The following ZNF879 variants were observed in gnomAD, a reference collection of about 807,000 sequenced individuals.
ZNF879 encodes the protein zinc finger protein 879.
Under a neutral mutation model 44.3 loss-of-function variants are expected in ZNF879, and 32 were observed. The ratio of observed to expected loss-of-function variants is 0.72; its 90% CI spans 0.54 to 0.97. The LOEUF (loss-of-function observed/expected upper bound fraction) is 0.97. Ranked by LOEUF, ZNF879 falls within the 50% of genes least tolerant of loss-of-function variation. The probability of loss-of-function intolerance (pLI) is 0.00; values close to 1 mark genes in which losing one functional copy is unlikely to be tolerated. For synonymous variants in ZNF879, 234 were observed against 233.2 expected (o/e 1.00, Z -0.03); for missense variants, 621 against 669.7 (o/e 0.93, Z 0.80).
Position 179,027,476 on chromosome 5 carries a change from T to C in ZNF879, c.37T>C (p.Ser13Pro), listed in dbSNP as rs1297103880. 4 of 1,613,604 alleles carry C rather than the reference T, an allele frequency of 2.5e-6. No homozygotes were observed. Among genetic ancestry groups the C allele is most frequent in the Non-Finnish European group, 2.5e-6 (3 of 1,179,932 alleles). Residue 13 changes from serine (S) to proline (P), a missense_variant, in exon 3 of 5, where the codon TCC becomes CCC. By Grantham distance (74) the Ser-to-Pro change is moderately conservative (BLOSUM62 -1). Coordinates refer to ENST00000444149, the MANE Select transcript of ZNF879 (RefSeq NM_001136116.3). Reference protein sequence around the residue: ...RRLLPAHVQESVTFRDVAVFF... With the variant: ...RRLLPAHVQEPVTFRDVAVFF... ...AGGAGTGGGTTTGCCATTCCAGGAG[T>C]CCGTGACGTTCAGGGATGTGGCCGT...
intron 4 of ZNF879, 38 bp from the exon 5 acceptor site, chr5:179,032,167 T>G (rs1561736502): frequency 1.4e-6 from 2 of 1,396,238 alleles, no homozygotes; most frequent in Non-Finnish European, 1.9e-6. Flanking sequence ...TTTAAAATTC[T>G]GAGTTCAAGA....
At chr5:179,025,186 C>T (rs773753955) in intron 2 of ZNF879, 149 bp downstream of exon 2, 18 of 851,850 alleles carry the variant, frequency 2.1e-5, no homozygotes, top group South Asian at 5.2e-5. Flanking sequence ...AAGGTGTTTC[C>T]CTTGCCTCAG....
In ZNF879 at chr5:179,030,149, G is replaced by A. The variant is rs191062511; in HGVS notation, c.256+2022G>A. On this transcript the variant is annotated intron_variant, in intron 4 of 4. Coordinates refer to ENST00000444149, the MANE Select transcript of ZNF879 (RefSeq NM_001136116.3). ...AAATTAAAATCAATGAAATTCCAACGAAGCACAAGTTACCATTTTTCCCTT... is the reference window on the plus strand; with the variant it reads ...AAATTAAAATCAATGAAATTCCAACAAAGCACAAGTTACCATTTTTCCCTT... Among the ~76,000 whole-genome samples the A allele has an allele frequency of 1.9e-3, 285 of 152,276 alleles. 1 individual carries two copies. Among genetic ancestry groups the A allele is most frequent in the African/African-American group, 6.4e-3 (266 of 41,552 alleles).
chr5:179,030,285 T>C (rs1211627695), intron 4 of ZNF879, among the ~76,000 whole-genome samples: 1 of 152,228 alleles, frequency 6.6e-6, no homozygotes, highest in African/African-American at 2.4e-5. Context: ...GGTCTGGTTT[T>C]ATTAAAATCA....
In ZNF879 at chr5:179,032,631, G is replaced by A; in HGVS notation, c.683G>A (p.Gly228Glu). 6.4e-7 allele frequency: 1 copy of A among 1,568,252 alleles called. No individual in the cohort carries two copies. Among genetic ancestry groups the A allele is most frequent in the Non-Finnish European group, 8.6e-7 (1 of 1,156,638 alleles). ...SLSKHQRIHT[G>E]EKLYKCKECR... ...AGTAAACACCAGAGAATCCACACTG[G>A]AGAGAAGCTCTATAAATGTAAGGAA... Residue 228 changes from glycine to glutamate, a missense_variant, in exon 5 of 5, where the codon GGA becomes GAA. Gly to Glu is a moderately conservative substitution (Grantham distance 98). Coordinates refer to ENST00000444149, the MANE Select transcript of ZNF879 (RefSeq NM_001136116.3).
At chr5:179,025,154 G>C in intron 2 of ZNF879, 117 bp downstream of exon 2, 2 of 1,144,298 alleles carry the variant, frequency 1.7e-6, no homozygotes, top group Non-Finnish European at 1.3e-6. Context: ...AGAGGGCTTG[G>C]TAGCTGAGAA....
intron 4 of ZNF879, among the ~76,000 whole-genome samples, chr5:179,031,975 C>T (rs1025297447): frequency 2.0e-5 from 3 of 152,238 alleles, no homozygotes; most frequent in South Asian, 2.1e-4. Flanking sequence ...GTTAATAGAT[C>T]GAGCCTGGCT....
Position 179,027,589 on chromosome 5 carries a change from GGTCTC to G in ZNF879, c.151_155del (p.Val51ThrfsTer45), listed in dbSNP as rs1761306140. Reference sequence around the variant, plus strand: ...TGATGCTGGAGAACTACAGCATCCTGGTCTCACTGGGTAAGGAACTTTCCTCCTGA... The same window carrying G: ...TGATGCTGGAGAACTACAGCATCCTGACTGGGTAAGGAACTTTCCTCCTGA... On this transcript the variant is annotated frameshift_variant, in exon 3 of 5. Coordinates refer to ENST00000444149, the MANE Select transcript of ZNF879 (RefSeq NM_001136116.3). LOFTEE classifies it high-confidence loss of function. 1 of 1,613,836 alleles carries G rather than the reference GGTCTC, an allele frequency of 6.2e-7. No homozygotes were observed. Among genetic ancestry groups the G allele is most frequent in the Non-Finnish European group, 8.5e-7 (1 of 1,179,956 alleles).
chr5:179,028,765 C>T (rs535143275), intron 4 of ZNF879, among the ~76,000 whole-genome samples: 3 of 152,252 alleles, frequency 2.0e-5, no homozygotes, highest in East Asian at 3.9e-4. Context: ...TTTCCCTATA[C>T]GCCCTTGGAT....
In ZNF879 at chr5:179,034,008, A is replaced by T. The variant is rs1032377866; in HGVS notation, c.*368A>T. On this transcript the variant is annotated 3_prime_UTR_variant, in exon 5 of 5. Transcript: ENST00000444149. ...AAATCCAGACACAGATAAATCTAGG[A>T]ATCTATTTTTTGAAACTATTATGCA... 2 of 166,696 alleles carry T rather than the reference A, an allele frequency of 1.2e-5. No homozygotes were observed. Among genetic ancestry groups the T allele is most frequent in the African/African-American group, 4.8e-5 (2 of 41,944 alleles). The allele number at this position is 166,696 out of a possible 1,614,324, so 10.3% of individuals were successfully genotyped here. A position where few individuals can be genotyped will look rare whatever the true frequency, so the allele number is the denominator to read the frequency against.
rs990225983 is a variant in ZNF879 at position 179,024,733 on chromosome 5, C to T, written c.-35-237C>T. On this transcript the variant is annotated intron_variant, in intron 1 of 4. Coordinates refer to ENST00000444149, the MANE Select transcript of ZNF879 (RefSeq NM_001136116.3). ...TTAAGGCACGGCAGATGGTCTTCAT[C>T]CCTTCGCTCCTTTCGTCTTTATCGT... The T allele has an allele frequency of 2.8e-5, 14 of 494,192 alleles. No homozygotes were observed. The Admixed American group carries it at 4.1e-4, about 15-fold the overall frequency. The allele number at this position is 494,192 out of a possible 1,614,324, so 30.6% of individuals were successfully genotyped here. A position where few individuals can be genotyped will look rare whatever the true frequency, so the allele number is the denominator to read the frequency against.
rs1291393434 is a variant in ZNF879, at chr5:179,034,305, C to A, written c.*665C>A. On this transcript the variant is annotated 3_prime_UTR_variant, in exon 5 of 5. Coordinates refer to ENST00000444149, the MANE Select transcript of ZNF879 (RefSeq NM_001136116.3). ...TAAAGTCACTTTAAGTCACAGAACGCATGGTATTTCACTTGTTTTTCTCAT... is the reference window on the plus strand; with the variant it reads ...TAAAGTCACTTTAAGTCACAGAACGAATGGTATTTCACTTGTTTTTCTCAT... 6.6e-6 allele frequency: 1 copy of A among 152,182 alleles called. No homozygotes were observed. The highest frequency in any genetic ancestry group is 1.5e-5 in the Non-Finnish European group (1 of 68,046). The allele number at this position is 152,182 out of a possible 1,614,324, so 9.4% of individuals were successfully genotyped here.
chr5:179,026,103 CAAA>C (rs1217327325), intron 2 of ZNF879, among the ~76,000 whole-genome samples: 1 of 141,314 alleles, frequency 7.1e-6, no homozygotes, highest in Non-Finnish European at 1.5e-5. Flanking sequence ...AAAAAAAAAA[CAAA>C]GAAAGAAAAA....
intron 4 of ZNF879, among the ~76,000 whole-genome samples, chr5:179,031,999 C>T (rs1283901130): frequency 6.6e-6 from 1 of 152,180 alleles, no homozygotes; most frequent in Non-Finnish European, 1.5e-5. Context: ...CCTGTTGTCC[C>T]CTAATTTCCT....
chr5:179,030,111 A>G (rs765470945), intron 4 of ZNF879, among the ~76,000 whole-genome samples: 4 of 152,250 alleles, frequency 2.6e-5, no homozygotes, highest in South Asian at 2.1e-4. Context: ...TTGAAGCACT[A>G]TTCAACTTCA....
rs16736 is a variant in ZNF879, at chr5:179,034,247, CCTGA to C, written c.*610_*613del. The C allele has an allele frequency of 0.3, 45,980 of 151,934 alleles. 8,312 individuals carry two copies. The highest frequency in any genetic ancestry group is 0.52 in the South Asian group (2,501 of 4,812). The allele number at this position is 151,934 out of a possible 1,614,324, so 9.4% of individuals were successfully genotyped here. A position where few individuals can be genotyped will look rare whatever the true frequency, so the allele number is the denominator to read the frequency against. On this transcript the variant is annotated 3_prime_UTR_variant, in exon 5 of 5. Transcript: ENST00000444149. ...AGACGTACTGTCTTTGCGTTTTCTT[CCTGA>C]CTACTTGTTCCAAACTCTGAGTCAG...
rs1338874807 is a variant in ZNF879, at chr5:179,034,599, A to G, written c.*959A>G. The stretch of plus-strand genomic sequence containing the variant: ...CCCTTACTTCCACTTTTTCGCCTTC[A>G]TCAGACAAGGTTCACTTTCTCCCCA... On this transcript the variant is annotated 3_prime_UTR_variant, in exon 5 of 5. Coordinates refer to ENST00000444149, the MANE Select transcript of ZNF879 (RefSeq NM_001136116.3). 1.3e-5 allele frequency: 2 copies of G among 152,208 alleles called. No homozygotes were observed. The highest frequency in any genetic ancestry group is 2.4e-5 in the African/African-American group (1 of 41,442). 9.4% of individuals were successfully genotyped at this position (152,208 alleles called of 1,614,324 possible).
In ZNF879 at chr5:179,032,581, A is replaced by C; in HGVS notation, c.633A>C (p.Lys211Asn). The C allele has an allele frequency of 6.4e-7, 1 of 1,554,228 alleles. No individual in the cohort carries two copies. The highest frequency in any genetic ancestry group is 8.7e-7 in the Non-Finnish European group (1 of 1,148,564). ...GTTATAAATGTAATATCTGTGGGAA[A>C]ATCTTCCTCCACAGTTCCTCCCTGA... ...RKCYKCNICG[K>N]IFLHSSSLSK... is the part of the protein sequence containing the mutation. Residue 211 changes from lysine to asparagine, a missense_variant, in exon 5 of 5, where the codon AAA becomes AAC. Lys to Asn is a moderately conservative substitution (Grantham distance 94). Transcript: ENST00000444149.
Position 179,033,369 on chromosome 5 carries a change from A to G in ZNF879, c.1421A>G (p.His474Arg). ...AGTTCCCACTCAGGCGTTAATACTC[A>G]TCGAAAAATTCATACTGGAGAAAAA... is the stretch of plus-strand genomic sequence containing the variant. ...AFSSHSGVNTHRKIHTGEKPY... is the reference protein window; with the variant it reads ...AFSSHSGVNTRRKIHTGEKPY... The change falls in exon 5 of 5, where the codon CAT becomes CGT. Residue 474 changes from histidine to arginine, a missense_variant. Transcript: ENST00000444149. The G allele has an allele frequency of 6.4e-7, 1 of 1,560,228 alleles. No individual in the cohort carries two copies. Among genetic ancestry groups the G allele is most frequent in the African/African-American group, 1.4e-5 (1 of 73,296 alleles).
Sources: gnomAD v4.1 joint callset for allele counts (sites outside exome capture counted in the v4.1 genomes callset) on GRCh38, gnomAD v4.1.1 for gene constraint, MANE v1.5 for transcripts, NCBI Gene and HGNC (gene_info 2026-07-23, HGNC 2026-07-21) for gene names.